TAFA1: variants seen among roughly 807,000 people sequenced by gnomAD.
The protein encoded by TAFA1 is chemokine-like protein TAFA-1.
TAFA1 carries 4 observed loss-of-function variants against 18.5 expected under a neutral mutation model. That is an observed-to-expected ratio of 0.22 (90% CI 0.11 to 0.49). The LOEUF (loss-of-function observed/expected upper bound fraction) is 0.49. TAFA1 is among the 20% of genes least tolerant of loss of function. The pLI is 0.98. For missense variants in TAFA1, 147 were observed against 169.0 expected, an observed-to-expected ratio of 0.87 and a Z score of 0.72; for synonymous variants, 56 against 55.2, an observed-to-expected ratio of 1.01 and a Z score of -0.06.
intron 2 of TAFA1, among the ~76,000 whole-genome samples, chr3:68,313,082 A>T (rs921688531): frequency 1.3e-5 from 2 of 152,130 alleles, no homozygotes; most frequent in African/African-American, 4.8e-5. Context: ...AATGGGAAAG[A>T]CTTGATCCCA....
At chr3:68,119,127 A>G (rs556933229) in intron 2 of TAFA1, among the ~76,000 whole-genome samples, 1 of 151,850 alleles carries the variant, frequency 6.6e-6, no homozygotes, top group Non-Finnish European at 1.5e-5. Flanking sequence ...CATAATGATT[A>G]CTAACATTGA....
chr3:68,298,380 A>G (rs749889199), intron 2 of TAFA1, among the ~76,000 whole-genome samples: 31 of 152,192 alleles, frequency 2.0e-4, no homozygotes, highest in Non-Finnish European at 4.0e-4. Context: ...CTGAGAAGCC[A>G]TTTGGGGAGG....
At chr3:68,483,237 A>G (rs1575910511) in intron 3 of TAFA1, among the ~76,000 whole-genome samples, 1 of 152,284 alleles carries the variant, frequency 6.6e-6, no homozygotes, top group African/African-American at 2.4e-5. Flanking sequence ...AAATAGATAT[A>G]CATGTCAGGG....
At chr3:68,147,759 G>A (rs1470658808) in intron 2 of TAFA1, among the ~76,000 whole-genome samples, 2 of 152,076 alleles carry the variant, frequency 1.3e-5, no homozygotes, top group East Asian at 1.9e-4. Context: ...TTAATGATAG[G>A]CTTTGAGCAA....
chr3:68,252,078 C>T (rs746138599), intron 2 of TAFA1, among the ~76,000 whole-genome samples: 5 of 152,152 alleles, frequency 3.3e-5, no homozygotes, highest in Non-Finnish European at 7.4e-5. Context: ...AATGAGATCT[C>T]TTTGAGATCT....
intron 2 of TAFA1, among the ~76,000 whole-genome samples, chr3:68,126,540 T>G (rs1575631596): frequency 6.6e-6 from 1 of 152,218 alleles, no homozygotes; most frequent in Admixed American, 6.5e-5. Flanking sequence ...TTTTCAAAAA[T>G]GTATATATTC....
intron 2 of TAFA1, among the ~76,000 whole-genome samples, chr3:68,260,570 A>G (rs1428068403): frequency 1.3e-5 from 2 of 152,148 alleles, no homozygotes; most frequent in African/African-American, 4.8e-5. Flanking sequence ...ACCAAAACAG[A>G]GATATAGACC....
intron 2 of TAFA1, among the ~76,000 whole-genome samples, chr3:68,192,989 T>C (rs1462747324): frequency 6.6e-6 from 1 of 151,784 alleles, no homozygotes; most frequent in Non-Finnish European, 1.5e-5. Flanking sequence ...AGGTTGTCTC[T>C]ATTTGAGCCC....
intron 2 of TAFA1, among the ~76,000 whole-genome samples, chr3:68,144,136 C>A (rs2065706864): frequency 6.6e-6 from 1 of 152,086 alleles, no homozygotes; most frequent in Non-Finnish European, 1.5e-5. Flanking sequence ...CAGGACCGAC[C>A]ATTTGTTAGT....
At chr3:68,257,554 C>T (rs370812132) in intron 2 of TAFA1, among the ~76,000 whole-genome samples, 4 of 152,006 alleles carry the variant, frequency 2.6e-5, no homozygotes, top group African/African-American at 9.7e-5. Context: ...GTGACAAGCA[C>T]TGGGCTAAGT....
At chr3:68,208,013 T>C (rs930113133) in intron 2 of TAFA1, among the ~76,000 whole-genome samples, 1 of 151,952 alleles carries the variant, frequency 6.6e-6, no homozygotes, top group Non-Finnish European at 1.5e-5. Context: ...AGGAAGACCC[T>C]TCACTGTTTT....
At chr3:68,317,244 C>T (rs2068619104) in intron 2 of TAFA1, among the ~76,000 whole-genome samples, 1 of 152,110 alleles carries the variant, frequency 6.6e-6, no homozygotes, top group Non-Finnish European at 1.5e-5. Flanking sequence ...TACAGAGACC[C>T]CTTTCTTCAA....
At chr3:68,454,838 G>A (rs2071629074) in intron 3 of TAFA1, among the ~76,000 whole-genome samples, 1 of 152,102 alleles carries the variant, frequency 6.6e-6, no homozygotes, top group Non-Finnish European at 1.5e-5. Context: ...CCAGGAATCT[G>A]CATTTTTTAT....
chr3:68,236,424 A>C (rs2066927798), intron 2 of TAFA1, among the ~76,000 whole-genome samples: 2 of 152,258 alleles, frequency 1.3e-5, no homozygotes, highest in East Asian at 3.8e-4. Context: ...ATTCTCATAT[A>C]GGCCAAAATA....
intron 3 of TAFA1, among the ~76,000 whole-genome samples, chr3:68,465,282 A>C (rs542782720): frequency 6.6e-6 from 1 of 152,300 alleles, no homozygotes; most frequent in Non-Finnish European, 1.5e-5. Context: ...GTAACCATAT[A>C]GTGACCAAAC....
intron 2 of TAFA1, among the ~76,000 whole-genome samples, chr3:68,171,945 T>C (rs1445486220): frequency 6.6e-6 from 1 of 151,882 alleles, no homozygotes; most frequent in Admixed American, 6.6e-5. Context: ...AACAGAAAAA[T>C]GTGTGTGTTT....
At chr3:68,187,059 G>A (rs1194759169) in intron 2 of TAFA1, among the ~76,000 whole-genome samples, 1 of 151,834 alleles carries the variant, frequency 6.6e-6, no homozygotes, top group Non-Finnish European at 1.5e-5. Context: ...TGAACTTTCA[G>A]GAAATTAGGA....
chr3:68,118,006 A>G (rs2065344009), intron 2 of TAFA1, among the ~76,000 whole-genome samples: 1 of 152,174 alleles, frequency 6.6e-6, no homozygotes, highest in South Asian at 2.1e-4. Context: ...GGCACCAGGA[A>G]CTGGTTTTGT....
At chr3:68,011,021 G>A (rs1177078339) in intron 2 of TAFA1, among the ~76,000 whole-genome samples, 2 of 148,508 alleles carry the variant, frequency 1.3e-5, no homozygotes, top group Non-Finnish European at 3.0e-5. Context: ...AAGATTGAAC[G>A]GTTTTTGCTA....
Sources: gnomAD v4.1 joint callset for allele counts (sites outside exome capture counted in the v4.1 genomes callset) on GRCh38, gnomAD v4.1.1 for gene constraint, MANE v1.5 for transcripts, NCBI Gene and HGNC (gene_info 2026-07-23, HGNC 2026-07-21) for gene names.